Variants in KRAS observed in about 807,000 individuals in gnomAD.
KRAS encodes KRas proto-oncogene, GTPase.
KRAS carries 1 observed loss-of-function variant against 21.0 expected under a neutral mutation model. The observed-to-expected ratio is 0.05, with a 90% CI of 0.02 to 0.23. The LOEUF (loss-of-function observed/expected upper bound fraction) is 0.23, where lower values mean the gene tolerates loss of function less well. Among genes scored for constraint, KRAS ranks in the 10% least tolerant of loss-of-function variants. The pLI is 1.00. For missense variants in KRAS, 107 were observed against 221.8 expected, an observed-to-expected ratio of 0.48 and a Z score of 3.29; for synonymous variants, 67 against 72.5, an observed-to-expected ratio of 0.92 and a Z score of 0.39.
At chr12:25,240,350 C>T (rs1477873513) in intron 2 of KRAS, among the ~76,000 whole-genome samples, 1 of 152,160 alleles carries the variant, frequency 6.6e-6, no homozygotes, top group Admixed American at 6.5e-5. Context: ...CATCCATATC[C>T]ATGGGTACTG....
chr12:25,232,931 TAATGTTACTATGGGA>T (rs1276464774), intron 2 of KRAS, among the ~76,000 whole-genome samples: 11 of 152,340 alleles, frequency 7.2e-5, no homozygotes, highest in Non-Finnish European at 1.6e-4. Context: ...TTTGACATAG[TAATGTTACTATGGGA>T]AATTATGCTA....
chr12:25,222,174 A>AAAGT (rs1951335807), intron 4 of KRAS, among the ~76,000 whole-genome samples: 1 of 148,210 alleles, frequency 6.7e-6, no homozygotes, highest in Admixed American at 6.7e-5. Flanking sequence ...GAAAGAAAGA[A>AAAGT]AAATAAATAA....
chr12:25,210,717 A>G (rs920806229), intron 4 of KRAS: 5 of 152,184 alleles, frequency 3.3e-5, no homozygotes, highest in African/African-American at 1.2e-4. Flanking sequence ...CTTGCCATAT[A>G]AAGCCAAATA....
chr12:25,227,029 C>A (rs992597881), intron 3 of KRAS, among the ~76,000 whole-genome samples: 2 of 152,160 alleles, frequency 1.3e-5, no homozygotes, highest in Non-Finnish European at 2.9e-5. Flanking sequence ...CCCAGCACCA[C>A]CACTACCGAT....
At chr12:25,242,614 C>G (rs1314909463) in intron 2 of KRAS, among the ~76,000 whole-genome samples, 1 of 152,146 alleles carries the variant, frequency 6.6e-6, no homozygotes, top group African/African-American at 2.4e-5. Context: ...TACAAACATA[C>G]TCCATCTATG....
intron 2 of KRAS, among the ~76,000 whole-genome samples, chr12:25,242,898 T>A (rs943484910): frequency 6.6e-6 from 1 of 152,180 alleles, no homozygotes; most frequent in African/African-American, 2.4e-5. Context: ...AGAGACATTA[T>A]TGAAAGAAAC....
At chr12:25,213,152 T>C (rs1951216356) in intron 4 of KRAS, among the ~76,000 whole-genome samples, 2 of 152,170 alleles carry the variant, frequency 1.3e-5, no homozygotes, top group South Asian at 4.1e-4. Flanking sequence ...CTTCCACGTG[T>C]ACTGAAAAAC....
chr12:25,229,936 T>C (rs577590109), intron 2 of KRAS, among the ~76,000 whole-genome samples: 1 of 152,096 alleles, frequency 6.6e-6, no homozygotes, highest in Admixed American at 6.5e-5. Flanking sequence ...GCCCGGCTAA[T>C]TTTTGTACTG....
intron 4 of KRAS, among the ~76,000 whole-genome samples, chr12:25,219,359 G>T (rs375267029): frequency 6.6e-6 from 1 of 152,138 alleles, no homozygotes; most frequent in East Asian, 1.9e-4. Flanking sequence ...AAAATCAAGA[G>T]ATTGACAACA....
chr12:25,246,064 T>C (rs1302782594), intron 1 of KRAS, among the ~76,000 whole-genome samples: 1 of 144,564 alleles, frequency 6.9e-6, no homozygotes, highest in Non-Finnish European at 1.5e-5. Context: ...GAAATATCTC[T>C]GGGGAAAATA....
chr12:25,222,026 G>A (rs923735846), intron 4 of KRAS, among the ~76,000 whole-genome samples: 3 of 151,900 alleles, frequency 2.0e-5, no homozygotes, highest in Non-Finnish European at 4.4e-5. Flanking sequence ...GCGGGTGCCT[G>A]TAGTCCCAGC....
chr12:25,228,087 T>C (rs1240212132), intron 2 of KRAS, among the ~76,000 whole-genome samples: 2 of 151,670 alleles, frequency 1.3e-5, no homozygotes, highest in Admixed American at 1.3e-4. Flanking sequence ...AAATCCAAAA[T>C]GCTCCAAAAC....
rs543877883 is a variant in KRAS, at chr12:25,237,172, T to C, written c.111+8102A>G. 2.6e-5 allele frequency among the ~76,000 whole-genome samples: 4 copies of C among 152,348 alleles called. 1 individual carries two copies. The East Asian group carries it at 5.8e-4, about 22-fold the overall frequency. ...GGCCACGTCTGTACGATTCTCTTTATATGAAATAATCAGAGTGGACAAATC... is the reference window on the plus strand; with the variant it reads ...GGCCACGTCTGTACGATTCTCTTTACATGAAATAATCAGAGTGGACAAATC... On this transcript the variant is annotated intron_variant, in intron 2 of 4. Coordinates refer to ENST00000311936, the MANE Select transcript of KRAS (RefSeq NM_004985.5).
At chr12:25,227,505 T>A in intron 2 of KRAS, 93 bp from the exon 3 acceptor site, 1 of 1,149,956 alleles carries the variant, frequency 8.7e-7, no homozygotes, top group South Asian at 1.3e-5. Context: ...AAATTCAATT[T>A]AAAAATGGGC....
chr12:25,214,157 G>GTTAGCTAA (rs1951228650), intron 4 of KRAS, among the ~76,000 whole-genome samples: 1 of 152,178 alleles, frequency 6.6e-6, no homozygotes, highest in Non-Finnish European at 1.5e-5. Context: ...TCATGAGAGT[G>GTTAGCTAA]TTAGCTAATT....
At chr12:25,225,844 T>C in intron 3 of KRAS, 71 bp from the exon 4 acceptor site, 1 of 1,454,148 alleles carries the variant, frequency 6.9e-7, no homozygotes, top group South Asian at 1.2e-5. Context: ...GTCCACAACT[T>C]TTGTCATAAA....
intron 2 of KRAS, among the ~76,000 whole-genome samples, chr12:25,231,092 CTTTTTTTTTTT>C (rs34361223): frequency 3.0e-5 from 2 of 66,392 alleles, no homozygotes; most frequent in East Asian, 4.6e-4. Context: ...ACCTCACATT[CTTTTTTTTTTT>C]TTTTTTTTTT....
Position 25,250,838 on chromosome 12 carries a change from CG to C in KRAS, c.-100del. On this transcript the variant is annotated 5_prime_UTR_variant, in exon 1 of 5. Coordinates refer to ENST00000311936, the MANE Select transcript of KRAS (RefSeq NM_004985.5). Reference sequence around the variant, plus strand: ...CGCGCTCGCTCCCAGTCCGAAATGGCGGGGGCCGGGAGTACTGGCCGAGCCG... The same window carrying C: ...CGCGCTCGCTCCCAGTCCGAAATGGCGGGGCCGGGAGTACTGGCCGAGCCG... 1.3e-5 allele frequency: 3 copies of C among 228,030 alleles called. No homozygotes were observed. Among genetic ancestry groups the C allele is most frequent in the Non-Finnish European group, 2.6e-5 (3 of 116,282 alleles). The allele number at this position is 228,030 out of a possible 1,614,324, so 14.1% of individuals were successfully genotyped here.
chr12:25,240,463 G>A (rs1409261935), intron 2 of KRAS, among the ~76,000 whole-genome samples: 15 of 152,158 alleles, frequency 9.9e-5, no homozygotes, highest in African/African-American at 3.4e-4. Flanking sequence ...TGAGTACTAC[G>A]TTGAACCCAC....
Sources: allele counts gnomAD v4.1 joint callset (sites outside exome capture counted in the v4.1 genomes callset), GRCh38; gene constraint gnomAD v4.1.1; transcripts MANE v1.5; gene names NCBI Gene and HGNC (gene_info 2026-07-23, HGNC 2026-07-21).